Variants in DTWD2 observed in about 807,000 individuals in gnomAD.
DTWD2 encodes the protein DTW motif tRNA-uridine aminocarboxypropyltransferase 2.
In DTWD2, 39 loss-of-function variants were observed where a neutral mutation model predicts 31.8. The observed-to-expected ratio is 1.22, with a 90% CI of 0.95 to 1.60. The LOEUF (loss-of-function observed/expected upper bound fraction) is 1.60, where lower values mean the gene tolerates loss of function less well. DTWD2 is among the 40% of genes most tolerant of loss of function. The probability of loss-of-function intolerance (pLI) is 0.00; values close to 1 mark genes in which losing one functional copy is unlikely to be tolerated. For synonymous variants in DTWD2, 180 were observed against 142.8 expected, an observed-to-expected ratio of 1.26 and a Z score of -1.86; for missense variants, 515 against 381.5, an observed-to-expected ratio of 1.35 and a Z score of -2.92.
intron 1 of DTWD2, chr5:118,973,785 C>G (rs1755057003): frequency 8.1e-6 from 13 of 1,611,382 alleles, no homozygotes; most frequent in Non-Finnish European, 1.1e-5. Context: ...GGATCACCGG[C>G]GTGCCCCACC....
intron 1 of DTWD2, among the ~76,000 whole-genome samples, chr5:118,953,663 C>T (rs1346008048): frequency 6.6e-6 from 1 of 152,160 alleles, no homozygotes; most frequent in Non-Finnish European, 1.5e-5. Flanking sequence ...AAGATGTTGG[C>T]TCCTGAGAGC....
intron 3 of DTWD2, among the ~76,000 whole-genome samples, chr5:118,938,114 T>C (rs867258187): frequency 2.6e-5 from 4 of 152,300 alleles, no homozygotes; most frequent in Middle Eastern, 3.4e-3. Context: ...GATATCATAG[T>C]TAATAACGTC....
At position 118,837,350 on chromosome 5, in the gene DTWD2, AT is replaced by A. The variant is rs1295982438; in HGVS notation, c.*3566del. 1.3e-5 allele frequency: 2 copies of A among 152,240 alleles called. No individual in the cohort carries two copies. The highest frequency in any genetic ancestry group is 4.8e-5 in the African/African-American group (2 of 41,466). 9.4% of individuals were successfully genotyped at this position (152,240 alleles called of 1,614,324 possible). On this transcript the variant is annotated 3_prime_UTR_variant, in exon 6 of 6. Coordinates refer to ENST00000510708, the MANE Select transcript of DTWD2 (RefSeq NM_173666.4). ...AATGCAATATTATTTATTCATAAAAATATCCATCCATACCTATTTTAAAGAA... is the reference window on the plus strand; with the variant it reads ...AATGCAATATTATTTATTCATAAAAAATCCATCCATACCTATTTTAAAGAA...
intron 4 of DTWD2, among the ~76,000 whole-genome samples, chr5:118,901,838 GCCCAAGCGATCCTCTTGCCTCAGCCT>G (rs1183749329): frequency 1.3e-5 from 2 of 152,026 alleles, no homozygotes; most frequent in Non-Finnish European, 2.9e-5. Flanking sequence ...GAACTCCCAG[GCCCAAGCGATCCTCTTGCCTCAGCCT>G]CCCATGTAGC....
At chr5:118,980,616 T>C (rs1156651438) in intron 1 of DTWD2, among the ~76,000 whole-genome samples, 2 of 152,222 alleles carry the variant, frequency 1.3e-5, no homozygotes, top group African/African-American at 4.8e-5. Context: ...GAAATATCAC[T>C]TCATGCCTCC....
chr5:118,920,206 C>T (rs1753670767), intron 4 of DTWD2, among the ~76,000 whole-genome samples: 1 of 152,008 alleles, frequency 6.6e-6, no homozygotes, highest in African/African-American at 2.4e-5. Flanking sequence ...CCCAAGCCAA[C>T]TAAGACATAT....
chr5:118,964,633 G>A (rs896123207), intron 1 of DTWD2, among the ~76,000 whole-genome samples: 2 of 152,244 alleles, frequency 1.3e-5, no homozygotes, highest in Non-Finnish European at 2.9e-5. Context: ...GTGGAGACGG[G>A]GTTTCGCTGT....
chr5:118,841,771 C>A (rs181600753), intron 5 of DTWD2, among the ~76,000 whole-genome samples: 31 of 149,772 alleles, frequency 2.1e-4, no homozygotes, highest in African/African-American at 7.1e-4. Context: ...TATTCAAATT[C>A]AAAAATTAAA....
At chr5:118,975,525 T>A (rs115106032) in intron 1 of DTWD2, among the ~76,000 whole-genome samples, 2,253 of 152,336 alleles carry the variant, frequency 0.015, 53 homozygotes, top group African/African-American at 0.052. Flanking sequence ...AGCCTACTTA[T>A]GTCAATACAT....
At chr5:118,922,417 C>G (rs1414961128) in intron 4 of DTWD2, among the ~76,000 whole-genome samples, 1 of 151,790 alleles carries the variant, frequency 6.6e-6, no homozygotes, top group Admixed American at 6.6e-5. Context: ...TTAAAGAAAC[C>G]GAATGGATCA....
chr5:118,945,808 A>AAGAAAGAAAGAAAGAAAGAAAG (rs1454402121), intron 1 of DTWD2, among the ~76,000 whole-genome samples: 1 of 148,376 alleles, frequency 6.7e-6, no homozygotes, highest in African/African-American at 2.6e-5. Context: ...GAAAGAAAGA[A>AAGAAAGAAAGAAAGAAAGAAAG]AGAAATTCAT....
At chr5:118,886,354 A>G (rs1429755466) in intron 4 of DTWD2, among the ~76,000 whole-genome samples, 2 of 152,232 alleles carry the variant, frequency 1.3e-5, no homozygotes, top group Admixed American at 6.5e-5. Context: ...AGGCAACTCA[A>G]TGGACAACTA....
chr5:118,873,754 A>C (rs1286207708), intron 4 of DTWD2, among the ~76,000 whole-genome samples: 2 of 152,138 alleles, frequency 1.3e-5, no homozygotes, highest in Non-Finnish European at 2.9e-5. Flanking sequence ...ACAACCTTAG[A>C]GACACTCCAT....
At chr5:118,931,419 A>T (rs897807728) in intron 3 of DTWD2, among the ~76,000 whole-genome samples, 14 of 150,218 alleles carry the variant, frequency 9.3e-5, no homozygotes, top group East Asian at 7.7e-4. Flanking sequence ...AAAAAAAAAA[A>T]GTAACTGCAG....
chr5:118,873,364 C>T (rs1752549273), intron 4 of DTWD2, among the ~76,000 whole-genome samples: 1 of 152,218 alleles, frequency 6.6e-6, no homozygotes, highest in African/African-American at 2.4e-5. Context: ...CCCAGGGCCC[C>T]AGCCTAGTCA....
chr5:118,853,624 T>C (rs1357626650), intron 4 of DTWD2, among the ~76,000 whole-genome samples: 1 of 152,188 alleles, frequency 6.6e-6, no homozygotes. Flanking sequence ...GAGGCCATTA[T>C]CCTAAGCAAA....
chr5:118,975,280 T>C (rs1461305232), intron 1 of DTWD2, among the ~76,000 whole-genome samples: 2 of 152,200 alleles, frequency 1.3e-5, no homozygotes, highest in Non-Finnish European at 2.9e-5. Context: ...GAGTTTATCT[T>C]CAATTTCTGA....
chr5:118,939,344 T>G (rs1179235294), intron 2 of DTWD2, 54 bp from the exon 3 acceptor site: 1 of 1,371,596 alleles, frequency 7.3e-7, no homozygotes, highest in Non-Finnish European at 9.7e-7. Flanking sequence ...ATACACACTT[T>G]TAAATATTTT....
chr5:118,866,564 T>C (rs747506700), intron 4 of DTWD2, among the ~76,000 whole-genome samples: 5 of 152,160 alleles, frequency 3.3e-5, no homozygotes, highest in South Asian at 2.1e-4. Flanking sequence ...AATTGAAAGG[T>C]AAAATATGTA....
Sources: allele counts gnomAD v4.1 joint callset (sites outside exome capture counted in the v4.1 genomes callset), GRCh38; gene constraint gnomAD v4.1.1; transcripts MANE v1.5; gene names NCBI Gene and HGNC (gene_info 2026-07-23, HGNC 2026-07-21).